Variants in PRDM15 observed in about 807,000 individuals in gnomAD.
The protein encoded by PRDM15 is PR/SET domain 15.
A neutral mutation model predicts 128.6 loss-of-function variants in PRDM15; 64 were observed. The observed-to-expected ratio is 0.50, with a 90% CI of 0.41 to 0.61. The LOEUF is 0.61. Ranked by LOEUF, PRDM15 falls within the 20% of genes least tolerant of loss-of-function variation. The probability of loss-of-function intolerance (pLI) is 0.00; values close to 1 mark genes in which losing one functional copy is unlikely to be tolerated. For synonymous variants in PRDM15, 615 were observed against 621.8 expected, an observed-to-expected ratio of 0.99 and a Z score of 0.16; for missense variants, 1,242 against 1,569.1, an observed-to-expected ratio of 0.79 and a Z score of 3.52.
chr21:41,833,171 G>A (rs1445937343), intron 11 of PRDM15, among the ~76,000 whole-genome samples: 6 of 152,180 alleles, frequency 3.9e-5, no homozygotes, highest in African/African-American at 9.7e-5. Context: ...TTGCTATTCC[G>A]TAGCACAGTA....
chr21:41,815,651 G>A, intron 19 of PRDM15, 54 bp downstream of exon 19: 2 of 1,599,186 alleles, frequency 1.3e-6, no homozygotes, highest in Non-Finnish European at 1.7e-6. Context: ...CGGCCCACCT[G>A]GCTTCCCTAC....
At chr21:41,844,676 C>A (rs1480465308) in intron 6 of PRDM15, among the ~76,000 whole-genome samples, 1 of 74,564 alleles carries the variant, frequency 1.3e-5, no homozygotes, top group Non-Finnish European at 2.7e-5. Context: ...TCCCCCCTCA[C>A]AGGGACACAC....
At chr21:41,804,685 C>T (rs1232110788) in intron 21 of PRDM15, 71 bp from the exon 22 acceptor site, 1 of 1,256,110 alleles carries the variant, frequency 8.0e-7, no homozygotes, top group South Asian at 1.5e-5. Flanking sequence ...AGAAGCCACA[C>T]ACGCCTTGGG....
chr21:41,803,658 C>G (rs1299883849), intron 22 of PRDM15, among the ~76,000 whole-genome samples: 13 of 152,196 alleles, frequency 8.5e-5, no homozygotes, highest in Admixed American at 5.9e-4. Flanking sequence ...ACCCGTCCCC[C>G]CCATGCCTGT....
At chr21:41,841,806 A>T (rs2063081791) in intron 6 of PRDM15, among the ~76,000 whole-genome samples, 1 of 152,210 alleles carries the variant, frequency 6.6e-6, no homozygotes, top group South Asian at 2.1e-4. Flanking sequence ...TCTGATTTAT[A>T]AATTAAGATG....
rs1476927722 is a variant in PRDM15, at chr21:41,811,757, C to T, written c.2393-921G>A. ...GGAGTGCAGCGGCGCGATCTCGGCT[C>T]ACTGCAAGCTCCGCTTCCCGGGTTC... On this transcript the variant is annotated intron_variant, in intron 19 of 23. Transcript: ENST00000398548. The surrounding 1 kb of genome is among the most constrained non-coding windows in gnomAD (Gnocchi z 4.1). The T allele has an allele frequency of 2.7e-5, 4 of 150,418 alleles. No individual in the cohort carries two copies. The highest frequency in any genetic ancestry group is 9.8e-5 in the African/African-American group (4 of 40,734). 9.3% of individuals were successfully genotyped at this position (150,418 alleles called of 1,614,324 possible). A position where few individuals can be genotyped will look rare whatever the true frequency, so the allele number is the denominator to read the frequency against.
chr21:41,866,365 A>G (rs1262347332), intron 1 of PRDM15, among the ~76,000 whole-genome samples: 5 of 152,252 alleles, frequency 3.3e-5, no homozygotes, highest in Admixed American at 2.0e-4. Flanking sequence ...CAAAGCACCT[A>G]GCAAGGTTCC....
chr21:41,878,991 G>T (rs1337451222), intron 1 of PRDM15: 13 of 1,002,756 alleles, frequency 1.3e-5, no homozygotes, highest in Non-Finnish European at 1.6e-5. Flanking sequence ...CCGCGGCGGC[G>T]GGACCCGGCG....
chr21:41,873,260 C>T (rs1460650609), intron 1 of PRDM15, among the ~76,000 whole-genome samples: 2 of 152,176 alleles, frequency 1.3e-5, no homozygotes, highest in Non-Finnish European at 1.5e-5. Flanking sequence ...AGCACATTTT[C>T]CCGTAGTTTC....
At chr21:41,851,866 A>C (rs2063439954) in intron 5 of PRDM15, among the ~76,000 whole-genome samples, 1 of 152,204 alleles carries the variant, frequency 6.6e-6, no homozygotes. Flanking sequence ...GCATTTCTGA[A>C]ATCTAAGAGT....
At chr21:41,818,362 G>A (rs1382146561) in intron 18 of PRDM15, among the ~76,000 whole-genome samples, 1 of 152,242 alleles carries the variant, frequency 6.6e-6, no homozygotes, top group Non-Finnish European at 1.5e-5. Flanking sequence ...GCTCTGCGAG[G>A]ACCGGCTGGG....
chr21:41,815,504 G>C (rs1008014833), intron 19 of PRDM15, among the ~76,000 whole-genome samples: 1 of 152,232 alleles, frequency 6.6e-6, no homozygotes, highest in Admixed American at 6.5e-5. Context: ...GCTCTCCGGT[G>C]ACGAGGCCCC....
intron 5 of PRDM15, among the ~76,000 whole-genome samples, chr21:41,849,153 C>T (rs962790190): frequency 6.6e-6 from 1 of 152,256 alleles, no homozygotes; most frequent in African/African-American, 2.4e-5. Flanking sequence ...TACAGCACAG[C>T]AAACAGCCTG....
At chr21:41,830,360 AACAT>A (rs1459147627) in intron 11 of PRDM15, among the ~76,000 whole-genome samples, 1,628 of 151,432 alleles carry the variant, frequency 0.011, 31 homozygotes, top group African/African-American at 0.037. Flanking sequence ...ATACACACAC[AACAT>A]ACAAACACAT....
chr21:41,823,669 C>T (rs942366735), intron 13 of PRDM15, among the ~76,000 whole-genome samples: 1 of 152,204 alleles, frequency 6.6e-6, no homozygotes, highest in Non-Finnish European at 1.5e-5. Context: ...GCTTACGTTA[C>T]AATAGAAAAT....
intron 21 of PRDM15, among the ~76,000 whole-genome samples, chr21:41,806,042 CCATCACCACCACCA>C (rs2061570306): frequency 1.2e-5 from 1 of 82,230 alleles, no homozygotes; most frequent in Admixed American, 1.1e-4. Context: ...ATCACCACCA[CCATCACCACCACCA>C]CCATCACCAT....
intron 4 of PRDM15, among the ~76,000 whole-genome samples, chr21:41,856,945 A>C (rs1163664323): frequency 2.6e-5 from 4 of 152,162 alleles, no homozygotes; most frequent in Non-Finnish European, 5.9e-5. Flanking sequence ...TCTTAAACAC[A>C]CTCTTTAGTG....
chr21:41,829,568 CCACAAA>C (rs2062610411), intron 11 of PRDM15, among the ~76,000 whole-genome samples: 2 of 145,638 alleles, frequency 1.4e-5, no homozygotes, highest in South Asian at 4.5e-4. Context: ...CATACACAAC[CCACAAA>C]CAGACATTCA....
rs768497641 is a variant in PRDM15, at chr21:41,836,187, C to T, written c.1204G>A (p.Glu402Lys). 7 of 1,613,892 alleles carry T rather than the reference C, an allele frequency of 4.3e-6. No homozygotes were observed. Among genetic ancestry groups the T allele is most frequent in the East Asian group, 4.5e-5 (2 of 44,872 alleles). ...RSHGDKLFKCEECAKLFSRKE... is the reference protein window; with the variant it reads ...RSHGDKLFKCKECAKLFSRKE... ...CGGCTGAACAATTTTGCACACTCTT[C>T]GCACTTAAACAGCTTGTCACCTGAG... Residue 402 changes from glutamate to lysine, a missense_variant, in exon 10 of 24, where the codon GAA becomes AAA. By Grantham distance (56) the Glu-to-Lys change is moderately conservative. Around this residue, in one of 3 missense-constraint regions of PRDM15, gnomAD observed 612 missense variants for 717.0 expected, o/e 0.85. Coordinates refer to ENST00000398548, the MANE Select transcript of PRDM15 (RefSeq NM_001040424.3).
Sources: gnomAD v4.1 joint callset for allele counts (sites outside exome capture counted in the v4.1 genomes callset) on GRCh38, gnomAD v4.1.1 for gene constraint, gnomAD v4.1.1 regional missense constraint, Gnocchi (gnomAD v3.1) non-coding constraint, MANE v1.5 for transcripts, NCBI Gene and HGNC (gene_info 2026-07-23, HGNC 2026-07-21) for gene names.